Variants in CRYM observed in about 807,000 individuals in gnomAD.
CRYM encodes ketimine reductase mu-crystallin.
In CRYM, 18 loss-of-function variants were observed where a neutral mutation model predicts 32.9. That is an observed-to-expected ratio of 0.55 (90% confidence interval 0.38 to 0.81). The LOEUF is 0.81. CRYM is among the 30% of genes least tolerant of loss of function. The pLI is 0.00. For missense variants in CRYM, 337 were observed against 393.5 expected, an observed-to-expected ratio of 0.86 and a Z score of 1.21; for synonymous variants, 153 against 152.4, an observed-to-expected ratio of 1.00 and a Z score of -0.03.
chr16:21,302,023 A>G (rs1960957336), intron 1 of CRYM, among the ~76,000 whole-genome samples: 2 of 152,232 alleles, frequency 1.3e-5, no homozygotes, highest in Non-Finnish European at 2.9e-5. Flanking sequence ...ACCCCCAAAC[A>G]AAACTCACGC....
chr16:21,294,266 T>G (rs1376647635), intron 1 of CRYM, among the ~76,000 whole-genome samples: 1 of 152,232 alleles, frequency 6.6e-6, no homozygotes, highest in Non-Finnish European at 1.5e-5. Context: ...AGGAGTAGTC[T>G]GCAGTCCCAG....
At chr16:21,269,919 G>A (rs2093371778) in intron 3 of CRYM, 28 bp from the exon 4 acceptor site, 1 of 1,518,564 alleles carries the variant, frequency 6.6e-7, no homozygotes, top group East Asian at 2.2e-5. Context: ...AGTGGCAAAG[G>A]TCAAGGGAGA....
chr16:21,296,266 C>T (rs1350468441), intron 1 of CRYM, among the ~76,000 whole-genome samples: 2 of 152,082 alleles, frequency 1.3e-5, no homozygotes, highest in Admixed American at 1.3e-4. Flanking sequence ...ATTTAAGAAA[C>T]ACTTACTTTT....
Position 21,300,449 on chromosome 16 carries a change from C to T in CRYM, c.-193+2529G>A, listed in dbSNP as rs138407726. The T allele has an allele frequency of 1.7e-4, 25 of 151,342 alleles. No individual in the cohort carries two copies. In the East Asian group the frequency reaches 3.5e-3, roughly 21 times the overall value. The allele number at this position is 151,342 out of a possible 1,614,324, so 9.4% of individuals were successfully genotyped here. ...ATCACACTGGAACAAGTCTTCCTGA[C>T]CTTTGCTAACCCAGAGAAATCATCC... is the stretch of plus-strand genomic sequence containing the variant. On this transcript the variant is annotated intron_variant, in intron 1 of 9. Coordinates refer to the CRYM transcript ENST00000219599.
chr16:21,270,494 G>C (rs564268897), intron 3 of CRYM, among the ~76,000 whole-genome samples: 1 of 152,224 alleles, frequency 6.6e-6, no homozygotes, highest in East Asian at 1.9e-4. Context: ...ATGTTGGCCA[G>C]GCTGGTCTCA....
chr16:21,294,614 G>A (rs1205658285), intron 1 of CRYM, among the ~76,000 whole-genome samples: 1 of 150,888 alleles, frequency 6.6e-6, no homozygotes. Context: ...TCGGTTTTCT[G>A]TTCCTGTGTT....
chr16:21,275,613 CAGTG>C lies in CRYM; in HGVS notation c.325-23_325-20del. 2 of 1,606,756 alleles carry C rather than the reference CAGTG, an allele frequency of 1.2e-6. No individual in the cohort carries two copies. Among genetic ancestry groups the C allele is most frequent in the East Asian group, 2.2e-5 (1 of 44,862 alleles). ...CCATGACCTTGGAGGAAAAGAGAGA[CAGTG>C]AGCAAGGGGAACCCCTGTCCACTGC... On this transcript the variant is annotated intron_variant, in intron 2 of 7. Transcript: ENST00000572914.
chr16:21,268,142 T>C (rs2093367894), intron 4 of CRYM, among the ~76,000 whole-genome samples: 1 of 152,220 alleles, frequency 6.6e-6, no homozygotes, highest in South Asian at 2.1e-4. Context: ...CATTCAGCCT[T>C]AGTTTCCACA....
Position 21,278,165 on chromosome 16 carries a change from C to G in CRYM, c.87G>C (p.Thr29=). 1 of 1,554,874 alleles carries G rather than the reference C, an allele frequency of 6.4e-7. No homozygotes were observed. Among genetic ancestry groups the G allele is most frequent in the Non-Finnish European group, 8.7e-7 (1 of 1,149,694 alleles). ...GACCGCTGGAGAAGTTGGCCAGGGC[C>G]GTCTCTAGAGGCGGGATGAGGAGGC... ...SSSLLIPPLE[T]ALANFSSGPE... Residue 29 remains threonine (T), a synonymous_variant, in exon 1 of 8, where the codon ACG becomes ACC. Coordinates refer to ENST00000572914, the MANE Select transcript of CRYM (RefSeq NM_001376256.1).
At chr16:21,261,883 AG>A in intron 6 of CRYM, 153 bp downstream of exon 6, 1 of 812,240 alleles carries the variant, frequency 1.2e-6, no homozygotes. Flanking sequence ...GGAATTAAAG[AG>A]GGTTGCAAAA....
At chr16:21,274,940 CCT>C (rs2152862970) in intron 3 of CRYM, among the ~76,000 whole-genome samples, 1 of 152,288 alleles carries the variant, frequency 6.6e-6, no homozygotes, top group Non-Finnish European at 1.5e-5. Context: ...GTCTACCTCC[CCT>C]GTGTGTGCCC....
intron 3 of CRYM, among the ~76,000 whole-genome samples, chr16:21,274,659 G>A (rs538109006): frequency 6.6e-6 from 1 of 152,208 alleles, no homozygotes; most frequent in Admixed American, 6.5e-5. Context: ...AGGCTAGAGT[G>A]CAGTGGCTCG....
At position 21,277,684 on chromosome 16, in the gene CRYM, C is replaced by A; in HGVS notation, c.171-100G>T. 1 of 1,314,604 alleles carries A rather than the reference C, an allele frequency of 7.6e-7. No individual in the cohort carries two copies. The highest frequency in any genetic ancestry group is 2.4e-5 in the East Asian group (1 of 41,248). The allele number at this position is 1,314,604 out of a possible 1,614,324, so 81.4% of individuals were successfully genotyped here. On this transcript the variant is annotated intron_variant, in intron 1 of 7. Transcript: ENST00000572914. The surrounding 1 kb of genome is among the most constrained non-coding windows in gnomAD (Gnocchi z 4.2). ...TCCTTTTTCTTTCCTTCCTCACCAC[C>A]CCACTGGCCCTCTTCCAGCCCCCGC...
chr16:21,264,202 G>T (rs1872336984), intron 5 of CRYM, among the ~76,000 whole-genome samples: 1 of 152,000 alleles, frequency 6.6e-6, no homozygotes, highest in Non-Finnish European at 1.5e-5. Context: ...CTTGAAGGTT[G>T]TTTGTGCGGA....
At chr16:21,272,736 G>A (rs911964565) in intron 3 of CRYM, among the ~76,000 whole-genome samples, 62 of 146,074 alleles carry the variant, frequency 4.2e-4, no homozygotes, top group African/African-American at 1.5e-3. Flanking sequence ...TGTAACCTCC[G>A]CCTCCAGGAT....
rs913015040 is a variant in CRYM at position 21,261,834 on chromosome 16, C to T, written c.795+203G>A. The T allele has an allele frequency of 1.0e-5, 6 of 586,132 alleles. No homozygotes were observed. The African/African-American group carries it at 1.1e-4, about 11-fold the overall frequency. The allele number at this position is 586,132 out of a possible 1,614,324, so 36.3% of individuals were successfully genotyped here. A position where few individuals can be genotyped will look rare whatever the true frequency, so the allele number is the denominator to read the frequency against. Reference sequence around the variant, plus strand: ...CACTGAGCTTCTCCTTCCAGGAACACACATGTCACCACCCATAATGCCCAT... The same window carrying T: ...CACTGAGCTTCTCCTTCCAGGAACATACATGTCACCACCCATAATGCCCAT... On this transcript the variant is annotated intron_variant, in intron 6 of 7. Transcript: ENST00000572914.
intron 1 of CRYM, among the ~76,000 whole-genome samples, chr16:21,290,645 G>C (rs1960622616): frequency 6.6e-6 from 1 of 152,134 alleles, no homozygotes; most frequent in African/African-American, 2.4e-5. Context: ...ACTCAGTCTT[G>C]AAGTCTTACA....
intron 1 of CRYM, among the ~76,000 whole-genome samples, chr16:21,290,744 A>G (rs1281786548): frequency 6.6e-6 from 1 of 152,228 alleles, no homozygotes; most frequent in Non-Finnish European, 1.5e-5. Context: ...TTTAGTATTT[A>G]GAGGAATCTC....
At chr16:21,268,869 C>T (rs773404502) in intron 4 of CRYM, among the ~76,000 whole-genome samples, 4 of 151,976 alleles carry the variant, frequency 2.6e-5, no homozygotes, top group Admixed American at 6.6e-5. Context: ...GGCAACTGGG[C>T]GCAGTGGTTC....
Sources: allele counts gnomAD v4.1 joint callset (sites outside exome capture counted in the v4.1 genomes callset), GRCh38; gene constraint gnomAD v4.1.1; non-coding constraint Gnocchi (gnomAD v3.1); transcripts MANE v1.5; gene names NCBI Gene and HGNC (gene_info 2026-07-23, HGNC 2026-07-21).